Variants in GRIP2 observed in about 807,000 individuals in gnomAD.
GRIP2 encodes glutamate receptor interacting protein 2, also known as glutamate receptor-interacting protein 2.
Under a neutral mutation model 108.3 loss-of-function variants are expected in GRIP2, and 58 were observed. The observed-to-expected ratio is 0.54, with a 90% confidence interval of 0.43 to 0.67. GRIP2 has a LOEUF of 0.67. Ranked by LOEUF, GRIP2 falls within the 30% of genes least tolerant of loss-of-function variation. The probability of loss-of-function intolerance (pLI) is 0.00; values close to 1 mark genes in which losing one functional copy is unlikely to be tolerated. For synonymous variants in GRIP2, 586 were observed against 598.2 expected (o/e 0.98, Z 0.30); for missense variants, 1,278 against 1,430.6 (o/e 0.89, Z 1.72).
chr3:14,525,640 T>C (rs1277228549), intron 2 of GRIP2, 68 bp from the exon 3 acceptor site: 3 of 1,586,414 alleles, frequency 1.9e-6, no homozygotes, highest in Admixed American at 1.7e-5. Context: ...AGCTCTAAGA[T>C]AAGCGAGGCG....
the GRIP2 span, among the ~76,000 whole-genome samples, chr3:14,594,268 C>T: frequency 3.9e-5 from 6 of 152,240 alleles, no homozygotes; most frequent in Non-Finnish European, 7.3e-5. Context: ...TTGCTAAACA[C>T]TGGGCCAGTC....
the GRIP2 span, among the ~76,000 whole-genome samples, chr3:14,597,158 A>G: frequency 2.1e-4 from 32 of 152,378 alleles, no homozygotes; most frequent in African/African-American, 7.7e-4. Context: ...GGGTGAAGGC[A>G]TTAAAGCCTG....
chr3:14,534,686 G>T (rs567338771), intron 1 of GRIP2, among the ~76,000 whole-genome samples: 26 of 152,310 alleles, frequency 1.7e-4, no homozygotes, highest in African/African-American at 6.0e-4. Flanking sequence ...GGGGAGGAGG[G>T]ACAGAGGGAG....
In GRIP2 at chr3:14,525,895, C is replaced by A; in HGVS notation, c.77G>T (p.Gly26Val). The A allele has an allele frequency of 6.4e-7, 1 of 1,562,012 alleles. No individual in the cohort carries two copies. Among genetic ancestry groups the A allele is most frequent in the East Asian group, 2.4e-5 (1 of 41,782 alleles). ...GPYSKGGKDAGGADVSLACRR... is the reference protein window; with the variant it reads ...GPYSKGGKDAVGADVSLACRR... ...GCACGCCAGGGAAACGTCGGCCCCT[C>A]CTGCGTCCTTGCCTCCTTTGGAGTA... Residue 26 changes from glycine (G) to valine (V), a missense_variant, in exon 2 of 24, where the codon GGA becomes GTA. Gly to Val is a moderately radical substitution (Grantham distance 109, BLOSUM62 -3). Coordinates refer to ENST00000621039, the MANE Select transcript of GRIP2 (RefSeq NM_001080423.4).
At chr3:14,494,619 A>T (rs1015904565) in intron 23 of GRIP2, among the ~76,000 whole-genome samples, 1 of 152,242 alleles carries the variant, frequency 6.6e-6, no homozygotes, top group Non-Finnish European at 1.5e-5. Context: ...CGGGACAAGA[A>T]GGCCCCCACC....
At chr3:14,566,592 C>T in the GRIP2 span, among the ~76,000 whole-genome samples, 16 of 152,282 alleles carry the variant, frequency 1.1e-4, no homozygotes, top group Admixed American at 9.2e-4. Flanking sequence ...CAGAGCAAGG[C>T]GATCAACATC....
At chr3:14,590,132 T>C in the GRIP2 span, among the ~76,000 whole-genome samples, 1 of 152,208 alleles carries the variant, frequency 6.6e-6, no homozygotes, top group East Asian at 1.9e-4. Flanking sequence ...AAATTGATAT[T>C]GCATGTGGCT....
chr3:14,579,353 G>A, the GRIP2 span, among the ~76,000 whole-genome samples: 3 of 152,162 alleles, frequency 2.0e-5, no homozygotes, highest in Non-Finnish European at 2.9e-5. Context: ...TTGTCAAAAC[G>A]TACTAAACTG....
intron 1 of GRIP2, among the ~76,000 whole-genome samples, chr3:14,538,716 A>G (rs1178344412): frequency 6.6e-6 from 1 of 152,148 alleles, no homozygotes; most frequent in African/African-American, 2.4e-5. Flanking sequence ...AGAGAGAGAA[A>G]ATGTCAGAGA....
At chr3:14,602,248 C>G in the GRIP2 span, 8 of 152,070 alleles carry the variant, frequency 5.3e-5, no homozygotes, top group African/African-American at 1.9e-4. The surrounding 1 kb of genome is among the most constrained non-coding windows in gnomAD (Gnocchi z 4.7). Flanking sequence ...CCCTCGCGGT[C>G]AGACAACAGG....
At chr3:14,496,271 G>T (rs1693598099) in intron 22 of GRIP2, 146 bp downstream of exon 22, 2 of 598,530 alleles carry the variant, frequency 3.3e-6, no homozygotes, top group Non-Finnish European at 5.8e-6. Context: ...TCACCCAAAT[G>T]ATGAGCATTT....
rs139210189 is a variant in GRIP2, at chr3:14,515,746, C to T, written c.1307-1268G>A. 1.7e-3 allele frequency among the ~76,000 whole-genome samples: 252 copies of T among 152,164 alleles called. 1 individual carries two copies. The highest frequency in any genetic ancestry group is 5.8e-3 in the African/African-American group (239 of 41,516). ...CGCCTCCCGGGTTCAAGCGATTTTC[C>T]CACCTCCAGAGTAGCTAGGATTACA... On this transcript the variant is annotated intron_variant, in intron 11 of 23. Coordinates refer to ENST00000621039, the MANE Select transcript of GRIP2 (RefSeq NM_001080423.4).
At chr3:14,569,194 G>A in the GRIP2 span, among the ~76,000 whole-genome samples, 1 of 152,226 alleles carries the variant, frequency 6.6e-6, no homozygotes. Flanking sequence ...TCCTGTCCCT[G>A]ATTCAGAAGT....
chr3:14,510,217 C>T (rs1027998199), intron 16 of GRIP2, among the ~76,000 whole-genome samples: 2 of 151,770 alleles, frequency 1.3e-5, no homozygotes, highest in African/African-American at 2.4e-5. Context: ...TCTTTTCCTC[C>T]AGCAGCCAGC....
At chr3:14,567,950 T>C in the GRIP2 span, among the ~76,000 whole-genome samples, 2 of 152,160 alleles carry the variant, frequency 1.3e-5, no homozygotes, top group African/African-American at 4.8e-5. Flanking sequence ...GACCCAACCA[T>C]GCCCAACCAT....
chr3:14,516,795 CA>C (rs1167438255), intron 11 of GRIP2, among the ~76,000 whole-genome samples: 2 of 152,246 alleles, frequency 1.3e-5, no homozygotes, highest in African/African-American at 2.4e-5. Flanking sequence ...AGGACGTTAT[CA>C]CCAAATCCTA....
chr3:14,540,683 A>G (rs1051780576), upstream of GRIP2, among the ~76,000 whole-genome samples: 1 of 151,966 alleles, frequency 6.6e-6, no homozygotes, highest in African/African-American at 2.4e-5. The surrounding 1 kb of genome is among the most constrained non-coding windows in gnomAD (Gnocchi z 4.1). Context: ...GGAGACAGGG[A>G]ACAGTGCTTT....
At position 14,537,074 on chromosome 3, in the gene GRIP2, G is replaced by A. The variant is rs148423668; in HGVS notation, c.40+3195C>T. Among the ~76,000 whole-genome samples the A allele has an allele frequency of 3.5e-3, 530 of 152,284 alleles. 8 individuals are homozygous for A. The highest frequency in any genetic ancestry group is 0.017 in the East Asian group (90 of 5,186). Reference sequence around the variant, plus strand: ...GTTACACAGCCAGAAGTGACAAAGCGGAGATTTGACCCTATGGGCCCACCC... The same window carrying A: ...GTTACACAGCCAGAAGTGACAAAGCAGAGATTTGACCCTATGGGCCCACCC... On this transcript the variant is annotated intron_variant, in intron 1 of 23. Transcript: ENST00000621039.
At chr3:14,541,714 G>T (rs1204783703), upstream of GRIP2, among the ~76,000 whole-genome samples, 1 of 152,206 alleles carries the variant, frequency 6.6e-6, no homozygotes, top group Non-Finnish European at 1.5e-5. Context: ...TGTTTCTGGG[G>T]GAAGGGTCCA....
Sources: allele counts gnomAD v4.1 joint callset (sites outside exome capture counted in the v4.1 genomes callset), GRCh38; gene constraint gnomAD v4.1.1; non-coding constraint Gnocchi (gnomAD v3.1); transcripts MANE v1.5; gene names NCBI Gene and HGNC (gene_info 2026-07-23, HGNC 2026-07-21).